The following ZFHX3 variants were observed in gnomAD, a reference collection of about 807,000 sequenced individuals.
ZFHX3 encodes the protein zinc finger homeobox protein 3.
A neutral mutation model predicts 279.1 loss-of-function variants in ZFHX3; 42 were observed. That is an observed-to-expected ratio of 0.15 (90% confidence interval 0.12 to 0.19). ZFHX3 has a LOEUF of 0.19. Ranked by LOEUF, ZFHX3 falls within the 10% of genes least tolerant of loss-of-function variation. The pLI is 1.00. For synonymous variants in ZFHX3, 2,293 were observed against 1,957.8 expected, an observed-to-expected ratio of 1.17 and a Z score of -4.52; for missense variants, 4,981 against 4,754.0, an observed-to-expected ratio of 1.05 and a Z score of -1.40.
chr16:72,817,581 T>G (rs1455174128), intron 5 of ZFHX3, among the ~76,000 whole-genome samples: 1 of 152,212 alleles, frequency 6.6e-6, no homozygotes, highest in Non-Finnish European at 1.5e-5. Context: ...AACACACCAG[T>G]GCGCTGTTGG....
intron 4 of ZFHX3, among the ~76,000 whole-genome samples, chr16:73,283,361 T>A (rs1202412248): frequency 6.6e-6 from 1 of 152,192 alleles, no homozygotes; most frequent in African/African-American, 2.4e-5. Flanking sequence ...GTTGAGCCCT[T>A]TCCTTCACTT....
At chr16:73,303,464 G>A (rs988516975) in intron 4 of ZFHX3, among the ~76,000 whole-genome samples, 3 of 152,134 alleles carry the variant, frequency 2.0e-5, no homozygotes, top group Admixed American at 2.0e-4. Flanking sequence ...CAATTGACAT[G>A]GACATTCCAA....
At chr16:73,497,428 G>A (rs1003171662) in intron 2 of ZFHX3, among the ~76,000 whole-genome samples, 3 of 152,198 alleles carry the variant, frequency 2.0e-5, no homozygotes, top group African/African-American at 7.2e-5. Context: ...CAGCACTTTG[G>A]GAGGATGAGG....
chr16:73,680,649 A>T (rs2053000736), intron 1 of ZFHX3, among the ~76,000 whole-genome samples: 2 of 152,212 alleles, frequency 1.3e-5, no homozygotes, highest in South Asian at 4.1e-4. Context: ...AGGTACAAAG[A>T]AAGTGACAGG....
At chr16:73,793,767 A>G (rs1959905135) in intron 1 of ZFHX3, among the ~76,000 whole-genome samples, 2 of 152,200 alleles carry the variant, frequency 1.3e-5, no homozygotes, top group Non-Finnish European at 2.9e-5. Flanking sequence ...AGGAGTCCCG[A>G]CAATTGACAG....
intron 7 of ZFHX3, among the ~76,000 whole-genome samples, chr16:73,115,812 T>A (rs1966425426): frequency 6.6e-6 from 1 of 151,946 alleles, no homozygotes. Context: ...AAGTCCAGGG[T>A]TGCCTGGTTC....
In ZFHX3 at chr16:72,783,463, CCTCT is replaced by C. The variant is rs1262078359; in HGVS notation, c.*3697_*3700del. The C allele has an allele frequency of 6.6e-6, 1 of 152,520 alleles. No individual in the cohort carries two copies. The highest frequency in any genetic ancestry group is 2.4e-5 in the African/African-American group (1 of 41,412). The allele number at this position is 152,520 out of a possible 1,614,324, so 9.4% of individuals were successfully genotyped here. ...TCAAGTGCACTGGCTTGGGTCACTG[CCTCT>C]CTCTCCTGCAACTTCCTGCCATGCC... On this transcript the variant is annotated 3_prime_UTR_variant, in exon 10 of 10. Coordinates refer to ENST00000268489, the MANE Select transcript of ZFHX3 (RefSeq NM_006885.4).
At chr16:72,939,611 G>C (rs776454429) in intron 3 of ZFHX3, among the ~76,000 whole-genome samples, 7 of 152,204 alleles carry the variant, frequency 4.6e-5, no homozygotes, top group Non-Finnish European at 8.8e-5. Context: ...ATACAGGCTG[G>C]GTGCAGTGGC....
intron 2 of ZFHX3, among the ~76,000 whole-genome samples, chr16:73,663,342 C>T (rs536561347): frequency 6.9e-4 from 105 of 152,294 alleles, no homozygotes; most frequent in African/African-American, 2.4e-3. Context: ...TAGCAGGTCA[C>T]GATCTAAAGA....
At chr16:73,315,832 T>G (rs2015433449) in intron 4 of ZFHX3, among the ~76,000 whole-genome samples, 1 of 152,232 alleles carries the variant, frequency 6.6e-6, no homozygotes, top group Admixed American at 6.5e-5. Context: ...CTTCCCGTTT[T>G]CAGTTATGTG....
At position 72,958,838 on chromosome 16, in the gene ZFHX3, A is replaced by G. The variant is rs1252161615; in HGVS notation, c.1308T>C (p.Ser436=). The change falls in exon 2 of 10, where the codon TCT becomes TCC. Residue 436 remains serine (S), a synonymous_variant. Transcript: ENST00000268489. ...CCTGCTTCTCTCCTTCTGCCGCCCC[A>G]GAGTCCTTGCCCTCTGAGGATTTGG... The part of the protein sequence containing the change: ...SPTKSSEGKD[S]GAAEGEKQEV... 87 of 1,613,834 alleles carry G rather than the reference A, an allele frequency of 5.4e-5. No individual in the cohort carries two copies. The highest frequency in any genetic ancestry group is 7.2e-5 in the Non-Finnish European group (85 of 1,179,980).
At chr16:73,880,702 C>G (rs1054729385) in intron 1 of ZFHX3, among the ~76,000 whole-genome samples, 1 of 152,154 alleles carries the variant, frequency 6.6e-6, no homozygotes, top group African/African-American at 2.4e-5. Context: ...ATTTAAATGT[C>G]TCCAACAGAA....
At chr16:73,040,922 C>G (rs1382062110) in intron 1 of ZFHX3, among the ~76,000 whole-genome samples, 1 of 152,152 alleles carries the variant, frequency 6.6e-6, no homozygotes, top group Non-Finnish European at 1.5e-5. Context: ...AATTACTGGT[C>G]CAAAGTCACA....
chr16:72,881,299 CAGG>C lies in ZFHX3; in HGVS notation c.3448+8429_3448+8431del, dbSNP rs533872736. Among the ~76,000 whole-genome samples, 95 of 152,274 alleles carry C rather than the reference CAGG, an allele frequency of 6.2e-4. No homozygotes were observed. The South Asian group carries it at 8.7e-3, about 14-fold the overall frequency. On this transcript the variant is annotated intron_variant, in intron 4 of 9. Coordinates refer to ENST00000268489, the MANE Select transcript of ZFHX3 (RefSeq NM_006885.4). ...TTTTGAGAAGCTTCCTTGTGGCTCT[CAGG>C]AGACCAGAAAGCCCAGGAACCAGGG... is the stretch of plus-strand genomic sequence containing the variant.
chr16:73,883,537 A>C (rs1346008732), intron 1 of ZFHX3, among the ~76,000 whole-genome samples: 1 of 152,044 alleles, frequency 6.6e-6, no homozygotes, highest in Non-Finnish European at 1.5e-5. Flanking sequence ...ATGTGCACAC[A>C]TTCTCAGAAC....
intron 3 of ZFHX3, among the ~76,000 whole-genome samples, chr16:73,395,472 C>G (rs1236072268): frequency 6.6e-6 from 1 of 151,484 alleles, no homozygotes; most frequent in Non-Finnish European, 1.5e-5. Flanking sequence ...TCCAAAAACA[C>G]CCCCAAAAAC....
chr16:73,730,679 A>G (rs1256727080), intron 1 of ZFHX3, among the ~76,000 whole-genome samples: 1 of 152,228 alleles, frequency 6.6e-6, no homozygotes, highest in African/African-American at 2.4e-5. Context: ...TATGCTAATG[A>G]AGTCCTTTAT....
chr16:72,998,473 A>C (rs1359205667), intron 1 of ZFHX3, among the ~76,000 whole-genome samples: 2 of 152,224 alleles, frequency 1.3e-5, no homozygotes. Context: ...ATTTAACCGA[A>C]TCTGTCTACA....
At chr16:73,480,707 C>T (rs2018850927) in intron 2 of ZFHX3, among the ~76,000 whole-genome samples, 1 of 152,164 alleles carries the variant, frequency 6.6e-6, no homozygotes, top group Non-Finnish European at 1.5e-5. Context: ...TCCAATCTTA[C>T]AGGGACCCCT....
Sources: gnomAD v4.1 joint callset for allele counts (sites outside exome capture counted in the v4.1 genomes callset) on GRCh38, gnomAD v4.1.1 for gene constraint, MANE v1.5 for transcripts, NCBI Gene and HGNC (gene_info 2026-07-23, HGNC 2026-07-21) for gene names.